The following HHIPL2 variants were observed in gnomAD, a reference collection of about 807,000 sequenced individuals.
HHIPL2 encodes the protein HHIP-like protein 2.
In HHIPL2, 61 loss-of-function variants were observed where a neutral mutation model predicts 61.0. The ratio of observed to expected loss-of-function variants is 1.00; its 90% confidence interval spans 0.81 to 1.24. HHIPL2 has a LOEUF of 1.24. HHIPL2 is among the 50% of genes most tolerant of loss of function. The probability of loss-of-function intolerance (pLI) is 0.00; values close to 1 mark genes in which losing one functional copy is unlikely to be tolerated. For synonymous variants in HHIPL2, 343 were observed against 357.4 expected (o/e 0.96, Z 0.45); for missense variants, 885 against 910.2 (o/e 0.97, Z 0.36).
Position 222,547,958 on chromosome 1 carries a change from G to A in HHIPL2, c.87C>T (p.Leu29=), listed in dbSNP as rs1659594342. Residue 29 remains leucine (L), a synonymous_variant, in exon 1 of 9, where the codon CTC becomes CTT. Transcript: ENST00000343410. ...WLSSGILCLC[L]IFLLGQVGLL... ...AGCCCACCTGGCCCAACAAGAATAT[G>A]AGGCAGAGGCAGAGAATGCCAGAAG... is the stretch of plus-strand genomic sequence containing the variant. 5 of 1,612,340 alleles carry A rather than the reference G, an allele frequency of 3.1e-6. No individual in the cohort carries two copies. The highest frequency in any genetic ancestry group is 4.2e-6 in the Non-Finnish European group (5 of 1,178,742).
chr1:222,533,641 C>T (rs1659238415), intron 5 of HHIPL2, among the ~76,000 whole-genome samples: 1 of 152,122 alleles, frequency 6.6e-6, no homozygotes, highest in Non-Finnish European at 1.5e-5. Context: ...AAAACCTGCA[C>T]AAGATAGAAT....
rs144178410 is a variant in HHIPL2, at chr1:222,526,067, A to G, written c.1805+902T>C. On this transcript the variant is annotated intron_variant, in intron 7 of 8. Transcript: ENST00000343410. ...ACTGCCCAGACTCCTCAGGATGGAT[A>G]CAATGCATCACCCTCCCTGGGGCAG... 3.6e-3 allele frequency among the ~76,000 whole-genome samples: 551 copies of G among 152,252 alleles called. 3 individuals are homozygous for G. The highest frequency in any genetic ancestry group is 0.013 in the Admixed American group (197 of 15,292).
At chr1:222,529,334 A>T (rs1350630347) in intron 6 of HHIPL2, among the ~76,000 whole-genome samples, 1 of 152,196 alleles carries the variant, frequency 6.6e-6, no homozygotes, top group Non-Finnish European at 1.5e-5. Flanking sequence ...CTTTGTCTGA[A>T]TGGGAAGCCC....
chr1:222,540,153 C>T lies in HHIPL2; in HGVS notation c.1307G>A (p.Gly436Asp), dbSNP rs752207858. 2.5e-6 allele frequency: 4 copies of T among 1,614,270 alleles called. No individual in the cohort carries two copies. The highest frequency in any genetic ancestry group is 3.4e-6 in the Non-Finnish European group (4 of 1,180,040). Reference sequence around the variant, plus strand: ...GTCCCCACAGAATATCCGGCCTCGGCCCTGGCGCGTGATGGGGTCCCCTCG... The same window carrying T: ...GTCCCCACAGAATATCCGGCCTCGGTCCTGGCGCGTGATGGGGTCCCCTCG... ...VDRGDPITRQGRGRIFCGDVG... is the reference protein window; with the variant it reads ...VDRGDPITRQDRGRIFCGDVG... Residue 436 changes from glycine to aspartate, a missense_variant, in exon 4 of 9, where the codon GGC becomes GAC. Gly to Asp is a moderately conservative substitution (Grantham distance 94, BLOSUM62 -1). Transcript: ENST00000343410.
intron 2 of HHIPL2, 82 bp downstream of exon 2, chr1:222,543,455 G>A (rs989640245): frequency 7.5e-7 from 1 of 1,333,666 alleles, no homozygotes; most frequent in East Asian, 2.3e-5. Flanking sequence ...AACCAGTGAA[G>A]TTCCCCTCTA....
intron 1 of HHIPL2, among the ~76,000 whole-genome samples, chr1:222,546,235 C>T (rs1659554914): frequency 6.6e-6 from 1 of 152,184 alleles, no homozygotes; most frequent in African/African-American, 2.4e-5. Flanking sequence ...GCCAGTGCTG[C>T]TGTAACTATA....
Position 222,538,980 on chromosome 1 carries a change from C to T in HHIPL2, c.1451-206G>A, listed in dbSNP as rs1558130534. The T allele has an allele frequency of 5.7e-6, 3 of 530,484 alleles. No homozygotes were observed. In the East Asian group the frequency reaches 9.5e-5, roughly 17 times the overall value. The allele number at this position is 530,484 out of a possible 1,614,324, so 32.9% of individuals were successfully genotyped here. ...TATTTGCAAACTTCCTACTTAACTG[C>T]TATCTGCAGGCAGAGAGGAAGCCAA... is the stretch of plus-strand genomic sequence containing the variant. On this transcript the variant is annotated intron_variant, in intron 4 of 8. Transcript: ENST00000343410.
chr1:222,533,941 C>A (rs2102615026), intron 5 of HHIPL2, among the ~76,000 whole-genome samples: 2 of 152,282 alleles, frequency 1.3e-5, no homozygotes, highest in Admixed American at 1.3e-4. Flanking sequence ...CTGAAGTAAT[C>A]ATCAGTATAC....
intron 5 of HHIPL2, among the ~76,000 whole-genome samples, chr1:222,535,930 T>A (rs575393448): frequency 6.6e-6 from 1 of 152,116 alleles, no homozygotes; most frequent in African/African-American, 2.4e-5. Context: ...AAAGGTAAAT[T>A]AGAAAATATT....
At chr1:222,528,795 C>T (rs1659126696) in intron 6 of HHIPL2, among the ~76,000 whole-genome samples, 1 of 150,456 alleles carries the variant, frequency 6.6e-6, no homozygotes, top group African/African-American at 2.5e-5. Flanking sequence ...AAGCTTTATA[C>T]AGCTCTGAAT....
Position 222,543,972 on chromosome 1 carries a change from C to T in HHIPL2, c.539G>A (p.Cys180Tyr), listed in dbSNP as rs1450454800. Residue 180 changes from cysteine (C) to tyrosine (Y), a missense_variant, in exon 2 of 9, where the codon TGC becomes TAC. Cys to Tyr is a radical substitution (Grantham distance 194). Coordinates refer to ENST00000343410, the MANE Select transcript of HHIPL2 (RefSeq NM_024746.4). ...GTCGTTCCTCAGGACATTAGGGAAGCAATAGTCCTTGTCAGGAAGGTCCAG... is the reference window on the plus strand; with the variant it reads ...GTCGTTCCTCAGGACATTAGGGAAGTAATAGTCCTTGTCAGGAAGGTCCAG... ...HLLDLPDKDY[C>Y]FPNVLRNDYL... 6.2e-7 allele frequency: 1 copy of T among 1,614,018 alleles called. No individual in the cohort carries two copies. The highest frequency in any genetic ancestry group is 1.3e-5 in the African/African-American group (1 of 74,896).
chr1:222,542,198 G>T (rs757652390), intron 2 of HHIPL2, 43 bp from the exon 3 acceptor site: 1 of 1,601,806 alleles, frequency 6.2e-7, no homozygotes, highest in South Asian at 1.1e-5. Context: ...TTTGACACAA[G>T]CTGAAGCTGC....
intron 5 of HHIPL2, among the ~76,000 whole-genome samples, chr1:222,537,741 C>A (rs1659332677): frequency 1.3e-5 from 2 of 151,418 alleles, no homozygotes; most frequent in Admixed American, 1.3e-4. Context: ...TCAGAATGAA[C>A]AAAGAGTTCA....
At position 222,544,021 on chromosome 1, in the gene HHIPL2, C is replaced by CCCTTCCAT; in HGVS notation, c.482_489dup (p.Asp164MetfsTer25). 3.1e-6 allele frequency: 5 copies of CCCTTCCAT among 1,612,704 alleles called. No homozygotes were observed. The highest frequency in any genetic ancestry group is 4.2e-6 in the Non-Finnish European group (5 of 1,180,032). ...AGGAGGTGGCAGAAGCGGGTACCGT[C>CCCTTCCAT]CCTTCCATGAGACTCCTGGAGGCCG... On this transcript the variant is annotated frameshift_variant, in exon 2 of 9. Coordinates refer to ENST00000343410, the MANE Select transcript of HHIPL2 (RefSeq NM_024746.4). LOFTEE classifies it high-confidence loss of function.
At chr1:222,527,791 G>A (rs1360456576) in intron 6 of HHIPL2, among the ~76,000 whole-genome samples, 4 of 152,076 alleles carry the variant, frequency 2.6e-5, no homozygotes, top group Non-Finnish European at 1.5e-5. Flanking sequence ...GAGCTCCGAT[G>A]GTTTTATATA....
intron 1 of HHIPL2, among the ~76,000 whole-genome samples, chr1:222,547,309 C>T (rs145377347): frequency 9.0e-4 from 137 of 152,318 alleles, no homozygotes; most frequent in African/African-American, 3.2e-3. Context: ...GACTGGACCC[C>T]AGCAGATGCC....
At chr1:222,533,420 C>CA (rs1659234454) in intron 5 of HHIPL2, among the ~76,000 whole-genome samples, 1 of 151,278 alleles carries the variant, frequency 6.6e-6, no homozygotes, top group Admixed American at 6.6e-5. Flanking sequence ...GCATATTAAC[C>CA]AAATGATGTG....
At chr1:222,546,025 A>G (rs1659546741) in intron 1 of HHIPL2, among the ~76,000 whole-genome samples, 1 of 143,506 alleles carries the variant, frequency 7.0e-6, no homozygotes, top group Non-Finnish European at 1.6e-5. Context: ...ATCCTGAGTG[A>G]CAGAGTAAGA....
At chr1:222,535,467 A>C (rs969547422) in intron 5 of HHIPL2, among the ~76,000 whole-genome samples, 1 of 152,224 alleles carries the variant, frequency 6.6e-6, no homozygotes, top group Non-Finnish European at 1.5e-5. Context: ...GGCTTAAAAC[A>C]ACATACACTT....
Sources: allele counts gnomAD v4.1 joint callset (sites outside exome capture counted in the v4.1 genomes callset), GRCh38; gene constraint gnomAD v4.1.1; transcripts MANE v1.5; gene names NCBI Gene and HGNC (gene_info 2026-07-23, HGNC 2026-07-21).